The following PTPRT variants were observed in gnomAD, a reference collection of about 807,000 sequenced individuals.
The protein encoded by PTPRT is protein tyrosine phosphatase receptor type T, also known as receptor-type tyrosine-protein phosphatase T.
A neutral mutation model predicts 176.8 loss-of-function variants in PTPRT; 56 were observed. The ratio of observed to expected loss-of-function variants is 0.32; its 90% confidence interval spans 0.26 to 0.40. The LOEUF is 0.40. Among genes scored for constraint, PTPRT ranks in the 10% least tolerant of loss-of-function variants. PTPRT has a pLI of 1.00. For missense variants in PTPRT, 1,540 were observed against 1,908.2 expected (o/e 0.81, Z 3.60); for synonymous variants, 783 against 739.0 (o/e 1.06, Z -0.96).
At chr20:42,417,568 T>G (rs1254734880) in intron 9 of PTPRT, among the ~76,000 whole-genome samples, 1 of 150,188 alleles carries the variant, frequency 6.7e-6, no homozygotes, top group Non-Finnish European at 1.5e-5. Context: ...AGGGAGAAAA[T>G]AAAAGGAAAA....
intron 22 of PTPRT, among the ~76,000 whole-genome samples, chr20:42,111,657 C>T (rs6016687): frequency 0.23 from 35,597 of 152,136 alleles, 4,261 homozygotes; most frequent in African/African-American, 0.29. Context: ...TGCTAACTTA[C>T]TTAATCCTGA....
intron 7 of PTPRT, among the ~76,000 whole-genome samples, chr20:42,475,741 T>C (rs971985702): frequency 6.6e-6 from 1 of 152,234 alleles, no homozygotes; most frequent in African/African-American, 2.4e-5. Flanking sequence ...TTTTGATCCC[T>C]GGTCTCCATT....
rs147931267 is a variant in PTPRT, at chr20:42,811,952, T to A, written c.215-20486A>T. 9.2e-4 allele frequency among the ~76,000 whole-genome samples: 140 copies of A among 152,304 alleles called. 1 individual carries two copies. The highest frequency in any genetic ancestry group is 1.6e-3 in the Non-Finnish European group (112 of 68,008). On this transcript the variant is annotated intron_variant, in intron 2 of 30. Transcript: ENST00000373187. ...ATTTACTCTTGACAACCATGACTTG[T>A]GAGCTTTATATTCTATTATATTCTT...
intron 9 of PTPRT, among the ~76,000 whole-genome samples, chr20:42,413,838 T>G (rs2425498): frequency 0.82 from 125,011 of 151,968 alleles, 51,687 homozygotes; most frequent in Admixed American, 0.86. Context: ...ACCATCACTC[T>G]CCACGAGAGT....
At chr20:43,093,191 G>T (rs1213076561) in intron 1 of PTPRT, among the ~76,000 whole-genome samples, 2 of 152,144 alleles carry the variant, frequency 1.3e-5, no homozygotes, top group Non-Finnish European at 2.9e-5. Flanking sequence ...AGGAGAGATT[G>T]GTGGACATCC....
intron 15 of PTPRT, among the ~76,000 whole-genome samples, chr20:42,226,254 T>C (rs2056007243): frequency 6.6e-6 from 1 of 152,222 alleles, no homozygotes; most frequent in East Asian, 1.9e-4. Flanking sequence ...AAATAATATG[T>C]CATTTAAACA....
intron 1 of PTPRT, among the ~76,000 whole-genome samples, chr20:43,079,893 AATC>A (rs1460822232): frequency 1.3e-5 from 2 of 152,156 alleles, no homozygotes; most frequent in Non-Finnish European, 2.9e-5. Context: ...GAGTAGTAGC[AATC>A]ATCATGTGTA....
chr20:42,446,955 G>A (rs1028504632), intron 9 of PTPRT, among the ~76,000 whole-genome samples: 6 of 152,164 alleles, frequency 3.9e-5, no homozygotes, highest in Non-Finnish European at 5.9e-5. Flanking sequence ...TAGTTTTAGT[G>A]AGATAAGGTG....
intron 19 of PTPRT, among the ~76,000 whole-genome samples, chr20:42,124,378 C>T (rs1317939479): frequency 6.6e-6 from 1 of 152,222 alleles, no homozygotes; most frequent in Non-Finnish European, 1.5e-5. Context: ...GCATCTGTTA[C>T]TTACTGGGGA....
intron 1 of PTPRT, among the ~76,000 whole-genome samples, chr20:42,903,917 T>A (rs1239846362): frequency 2.0e-5 from 3 of 152,218 alleles, no homozygotes; most frequent in Non-Finnish European, 2.9e-5. Context: ...ACACTTTGTT[T>A]CCCTGGATAG....
At chr20:42,308,768 A>G (rs1226548011) in intron 12 of PTPRT, among the ~76,000 whole-genome samples, 11 of 152,170 alleles carry the variant, frequency 7.2e-5, no homozygotes, top group Admixed American at 3.3e-4. Flanking sequence ...TTTCCACTCT[A>G]TCATGCCACA....
chr20:42,460,016 C>T (rs774769897), intron 8 of PTPRT, among the ~76,000 whole-genome samples: 1 of 152,250 alleles, frequency 6.6e-6, no homozygotes, highest in African/African-American at 2.4e-5. Flanking sequence ...AACAGAGTTG[C>T]CATTTACTGA....
chr20:42,086,796 A>G (rs913696441), intron 27 of PTPRT, among the ~76,000 whole-genome samples: 2 of 138,652 alleles, frequency 1.4e-5, no homozygotes, highest in African/African-American at 2.8e-5. Context: ...CCTTGGGTCC[A>G]AATCTGGTCT....
intron 7 of PTPRT, among the ~76,000 whole-genome samples, chr20:42,575,836 C>T (rs1209558002): frequency 6.6e-6 from 1 of 152,148 alleles, no homozygotes; most frequent in Non-Finnish European, 1.5e-5. Flanking sequence ...CACACTAGTC[C>T]AGCCACAATC....
intron 9 of PTPRT, among the ~76,000 whole-genome samples, chr20:42,388,506 C>G (rs558642808): frequency 6.6e-6 from 1 of 152,208 alleles, no homozygotes; most frequent in South Asian, 2.1e-4. Context: ...ATTTATGCAG[C>G]CAACAGGCAC....
the PTPRT span, among the ~76,000 whole-genome samples, chr20:42,064,894 G>A: frequency 1.3e-5 from 2 of 152,212 alleles, no homozygotes; most frequent in African/African-American, 4.8e-5. Flanking sequence ...AAGGTCAGGT[G>A]GGAAAAGGTT....
At chr20:42,677,831 C>T (rs1192587511) in intron 7 of PTPRT, 35 bp downstream of exon 7, 3 of 1,574,536 alleles carry the variant, frequency 1.9e-6, no homozygotes, top group African/African-American at 3.0e-5. Context: ...AGCACAGCCT[C>T]TCATAATGGA....
chr20:42,164,462 G>C (rs1489192490), intron 16 of PTPRT, among the ~76,000 whole-genome samples: 4 of 152,206 alleles, frequency 2.6e-5, no homozygotes, highest in African/African-American at 9.6e-5. Context: ...GTCAATGCCA[G>C]TGCTAATGAT....
intron 15 of PTPRT, among the ~76,000 whole-genome samples, chr20:42,225,899 T>G (rs954301866): frequency 6.6e-6 from 1 of 152,192 alleles, no homozygotes; most frequent in Admixed American, 6.5e-5. Context: ...GTGATCAGCC[T>G]GCCCTGGCCT....
Sources: allele counts gnomAD v4.1 joint callset (sites outside exome capture counted in the v4.1 genomes callset), GRCh38; gene constraint gnomAD v4.1.1; transcripts MANE v1.5; gene names NCBI Gene and HGNC (gene_info 2026-07-23, HGNC 2026-07-21).